The following DNAH8 variants were observed in gnomAD, a reference collection of about 807,000 sequenced individuals.
DNAH8 encodes the protein axonemal beta dynein heavy chain 8.
In DNAH8, 382 loss-of-function variants were observed where a neutral mutation model predicts 562.1. The ratio of observed to expected loss-of-function variants is 0.68; its 90% CI spans 0.63 to 0.74. The LOEUF is 0.74. DNAH8 is among the 30% of genes least tolerant of loss of function. The pLI, the probability that DNAH8 is intolerant of heterozygous loss-of-function variation, is 0.00. For synonymous variants in DNAH8, 1,881 were observed against 1,919.4 expected (o/e 0.98, Z 0.52); for missense variants, 5,203 against 5,620.4 (o/e 0.93, Z 2.37).
At chr6:38,786,432 CAG>C (rs542786071) in intron 17 of DNAH8, among the ~76,000 whole-genome samples, 41 of 152,266 alleles carry the variant, frequency 2.7e-4, no homozygotes, top group African/African-American at 8.9e-4. Context: ...GGTTCTTTCT[CAG>C]GGGTGAAGTC....
chr6:38,946,785 G>A (rs956338334), intron 80 of DNAH8, among the ~76,000 whole-genome samples: 6 of 151,790 alleles, frequency 4.0e-5, no homozygotes, highest in African/African-American at 1.5e-4. Flanking sequence ...ACTCCAGCCT[G>A]GGTGACAGTG....
intron 34 of DNAH8, 77 bp from the exon 35 acceptor site, chr6:38,842,586 A>G (rs1013083136): frequency 1.9e-6 from 3 of 1,580,256 alleles, no homozygotes; most frequent in Non-Finnish European, 2.6e-6. Flanking sequence ...ATTCCCTAAT[A>G]TAATAGTGTA....
chr6:38,856,675 G>A (rs533476835), intron 41 of DNAH8, among the ~76,000 whole-genome samples: 1 of 152,214 alleles, frequency 6.6e-6, no homozygotes, highest in East Asian at 1.9e-4. Context: ...TGCTCTAGCA[G>A]GAAAAGTATC....
At position 38,868,047 on chromosome 6, in the gene DNAH8, C is replaced by G. The variant is rs1471248556; in HGVS notation, c.6694-15C>G. Reference sequence around the variant, plus strand: ...TTCAATTAAACCATCTTTTTGCCCTCTTCTCCCATCTCAGGTTCATTATGA... The same window carrying G: ...TTCAATTAAACCATCTTTTTGCCCTGTTCTCCCATCTCAGGTTCATTATGA... On this transcript the variant is annotated splice_polypyrimidine_tract_variant and intron_variant, in intron 47 of 92. Transcript: ENST00000327475. 1 of 1,603,852 alleles carries G rather than the reference C, an allele frequency of 6.2e-7. No homozygotes were observed. The highest frequency in any genetic ancestry group is 1.3e-5 in the African/African-American group (1 of 74,222).
intron 8 of DNAH8, among the ~76,000 whole-genome samples, chr6:38,746,679 A>G (rs1014482864): frequency 2.0e-5 from 3 of 152,118 alleles, no homozygotes; most frequent in Non-Finnish European, 4.4e-5. Context: ...CTGTAATCCC[A>G]GCACTTTGGG....
chr6:38,724,373 T>A (rs549476390), intron 3 of DNAH8, among the ~76,000 whole-genome samples: 1 of 152,276 alleles, frequency 6.6e-6, no homozygotes, highest in East Asian at 1.9e-4. Flanking sequence ...TAATTCAGAA[T>A]GATGTCAGAA....
At chr6:38,759,310 AAAACAAACAAAC>A (rs77729842) in intron 10 of DNAH8, among the ~76,000 whole-genome samples, 3 of 151,038 alleles carry the variant, frequency 2.0e-5, no homozygotes, top group Non-Finnish European at 4.4e-5. Context: ...CCTGTCTCAA[AAAACAAACAAAC>A]AAACAAACAA....
chr6:38,838,186 C>A, intron 33 of DNAH8, 144 bp downstream of exon 33: 1 of 582,518 alleles, frequency 1.7e-6, no homozygotes. Flanking sequence ...TCCAGCTATT[C>A]TTTACAAATT....
intron 80 of DNAH8, among the ~76,000 whole-genome samples, chr6:38,947,370 T>C (rs1761515172): frequency 6.6e-6 from 1 of 152,132 alleles, no homozygotes; most frequent in African/African-American, 2.4e-5. Context: ...AACTGAAATA[T>C]AATAGAGCAG....
chr6:38,864,757 C>T (rs560545944), intron 45 of DNAH8, among the ~76,000 whole-genome samples: 12 of 152,254 alleles, frequency 7.9e-5, no homozygotes, highest in African/African-American at 2.9e-4. Context: ...GAAATATTCT[C>T]TCACATGTAC....
At chr6:38,985,683 C>A (rs1764337121) in intron 87 of DNAH8, among the ~76,000 whole-genome samples, 1 of 152,126 alleles carries the variant, frequency 6.6e-6, no homozygotes, top group African/African-American at 2.4e-5. Flanking sequence ...TAGAAAGAGT[C>A]CACAAATGGA....
At chr6:38,929,489 C>T in intron 74 of DNAH8, 22 bp from the exon 75 acceptor site, 4 of 1,597,558 alleles carry the variant, frequency 2.5e-6, no homozygotes, top group East Asian at 2.3e-5. Context: ...CACAGATAGA[C>T]CAATGAGTTC....
At chr6:38,795,527 C>T (rs1402515805) in intron 21 of DNAH8, among the ~76,000 whole-genome samples, 1 of 151,194 alleles carries the variant, frequency 6.6e-6, no homozygotes, top group Non-Finnish European at 1.5e-5. Context: ...TTGCAGTGAG[C>T]TGAGATCTCA....
intron 91 of DNAH8, among the ~76,000 whole-genome samples, chr6:39,017,900 C>G (rs1295465581): frequency 6.6e-6 from 1 of 152,138 alleles, no homozygotes; most frequent in Admixed American, 6.5e-5. Flanking sequence ...TAAAAGTCTG[C>G]CGTTTGTGGA....
chr6:38,721,241 A>G (rs566410419), intron 1 of DNAH8, among the ~76,000 whole-genome samples: 1 of 152,268 alleles, frequency 6.6e-6, no homozygotes, highest in South Asian at 2.1e-4. Context: ...ACTTGAGCCC[A>G]GGAGCTTGAG....
intron 24 of DNAH8, among the ~76,000 whole-genome samples, chr6:38,811,752 T>C (rs947999809): frequency 6.6e-6 from 1 of 152,224 alleles, no homozygotes; most frequent in African/African-American, 2.4e-5. Context: ...GGTTTTAATG[T>C]GCAGGCTCTC....
At chr6:38,741,335 T>A (rs1479021868) in intron 7 of DNAH8, among the ~76,000 whole-genome samples, 1 of 152,146 alleles carries the variant, frequency 6.6e-6, no homozygotes, top group East Asian at 1.9e-4. Context: ...CCCAGGAGGT[T>A]AAGGCTGCAG....
intron 83 of DNAH8, among the ~76,000 whole-genome samples, chr6:38,972,675 GGTAA>G (rs1467971716): frequency 2.6e-5 from 4 of 152,166 alleles, no homozygotes; most frequent in Admixed American, 2.6e-4. Context: ...GTCAAAGTGG[GGTAA>G]GTATTGATTA....
intron 88 of DNAH8, among the ~76,000 whole-genome samples, chr6:39,006,029 TG>T (rs1348635100): frequency 6.6e-6 from 1 of 152,250 alleles, no homozygotes; most frequent in African/African-American, 2.4e-5. Flanking sequence ...GACCTTCAGC[TG>T]ACAGCCAGCA....
Sources: gnomAD v4.1 joint callset for allele counts (sites outside exome capture counted in the v4.1 genomes callset) on GRCh38, gnomAD v4.1.1 for gene constraint, MANE v1.5 for transcripts, NCBI Gene and HGNC (gene_info 2026-07-23, HGNC 2026-07-21) for gene names.